ARFGAP3: variants seen among roughly 807,000 people sequenced by gnomAD.
ARFGAP3 encodes the protein ADP-ribosylation factor GTPase-activating protein 3.
A neutral mutation model predicts 75.0 loss-of-function variants in ARFGAP3; 72 were observed. That is an observed-to-expected ratio of 0.96 (90% CI 0.79 to 1.17). ARFGAP3 has a LOEUF of 1.17. Among genes scored for constraint, ARFGAP3 ranks in the 50% most tolerant of loss-of-function variants. ARFGAP3 has a pLI of 0.00. For synonymous variants in ARFGAP3, 221 were observed against 217.9 expected (o/e 1.01, Z -0.13); for missense variants, 620 against 626.6 (o/e 0.99, Z 0.11).
At chr22:42,844,602 A>T (rs574980024) in intron 2 of ARFGAP3, among the ~76,000 whole-genome samples, 2,618 of 117,848 alleles carry the variant, frequency 0.022, 38 homozygotes, top group Non-Finnish European at 0.032. Context: ...AAAAAAAAAA[A>T]AAAAATAAAA....
intron 14 of ARFGAP3, among the ~76,000 whole-genome samples, chr22:42,802,748 C>T (rs1445722045): frequency 6.6e-6 from 1 of 151,088 alleles, no homozygotes; most frequent in Admixed American, 6.6e-5. Flanking sequence ...ACTACAGGCG[C>T]CCACCACCAT....
Position 42,810,853 on chromosome 22 carries a change from C to T in ARFGAP3, c.1156G>A (p.Asp386Asn), listed in dbSNP as rs1403051653. ...DSYWKKETSK[D>N]TETVLKTTGY... The stretch of plus-strand genomic sequence containing the variant: ...GTGGTTTTCAGAACTGTTTCAGTAT[C>T]TTTGCTGGTCTCTTTTTTCCAATAG... Residue 386 changes from aspartate to asparagine, a missense_variant, in exon 12 of 16, where the codon GAT becomes AAT. Physicochemically the swap from Asp to Asn is conservative, Grantham distance 23. Coordinates refer to ENST00000263245, the MANE Select transcript of ARFGAP3 (RefSeq NM_014570.5). The T allele has an allele frequency of 2.5e-6, 4 of 1,614,230 alleles. No homozygotes were observed. Among genetic ancestry groups the T allele is most frequent in the Non-Finnish European group, 3.4e-6 (4 of 1,180,048 alleles).
At chr22:42,803,799 A>T (rs1316083797) in intron 14 of ARFGAP3, among the ~76,000 whole-genome samples, 2 of 152,186 alleles carry the variant, frequency 1.3e-5, no homozygotes, top group African/African-American at 4.8e-5. Flanking sequence ...ACACCCCCAG[A>T]AAGCAGCTTA....
At chr22:42,819,877 G>C (rs1241720698) in intron 9 of ARFGAP3, among the ~76,000 whole-genome samples, 3 of 152,234 alleles carry the variant, frequency 2.0e-5, no homozygotes, top group African/African-American at 7.2e-5. Context: ...TTAAGGCACA[G>C]TGGTGTGGTT....
chr22:42,835,820 AAACAAC>A (rs956871017), intron 3 of ARFGAP3, among the ~76,000 whole-genome samples: 2 of 152,054 alleles, frequency 1.3e-5, no homozygotes, highest in African/African-American at 2.4e-5. Context: ...CTCCATCTCA[AAACAAC>A]AACAACAACA....
chr22:42,809,256 C>G (rs538081320), intron 12 of ARFGAP3, among the ~76,000 whole-genome samples: 10 of 152,306 alleles, frequency 6.6e-5, no homozygotes, highest in Admixed American at 6.5e-5. Context: ...TTTCAAGTCA[C>G]ACCTGTTGTC....
At chr22:42,823,542 A>G (rs985263026) in intron 8 of ARFGAP3, 114 bp downstream of exon 8, 2 of 752,140 alleles carry the variant, frequency 2.7e-6, no homozygotes, top group African/African-American at 3.7e-5. Context: ...TCCTTATATC[A>G]AAGCTACATT....
chr22:42,810,643 TC>T (rs1446131044), intron 12 of ARFGAP3, among the ~76,000 whole-genome samples, 169 bp downstream of exon 12: 1 of 152,182 alleles, frequency 6.6e-6, no homozygotes, highest in African/African-American at 2.4e-5. Context: ...AGCCTTGTAC[TC>T]CTGGGCTCAA....
intron 5 of ARFGAP3, among the ~76,000 whole-genome samples, chr22:42,832,544 A>G (rs1926343006): frequency 6.6e-6 from 1 of 152,014 alleles, no homozygotes; most frequent in East Asian, 1.9e-4. Context: ...AAAAAAAAAA[A>G]AAACGAAAGA....
chr22:42,826,611 G>A (rs1205614922), intron 7 of ARFGAP3, among the ~76,000 whole-genome samples: 2 of 151,940 alleles, frequency 1.3e-5, no homozygotes, highest in Admixed American at 6.6e-5. Context: ...TGTTGCCCAA[G>A]CTGGTCTCGA....
rs112097473 is a variant in ARFGAP3, at chr22:42,834,404, T to C, written c.394-79A>G. On this transcript the variant is annotated intron_variant, in intron 4 of 15. Coordinates refer to ENST00000263245, the MANE Select transcript of ARFGAP3 (RefSeq NM_014570.5). ...TTTATTTGATACCTTTCACTTCCCT[T>C]AGAGACCTGTTTCCTAAAGATTGGT... 6.0e-4 allele frequency: 926 copies of C among 1,555,848 alleles called. 6 individuals carry two copies. In the Middle Eastern group the frequency reaches 7.4e-3, roughly 12 times the overall value.
chr22:42,803,898 CTCTT>C (rs1157292468), intron 14 of ARFGAP3, among the ~76,000 whole-genome samples: 3 of 143,244 alleles, frequency 2.1e-5, no homozygotes, highest in South Asian at 4.3e-4. Flanking sequence ...TCCCTCCTTC[CTCTT>C]TTTTTTTTTT....
intron 9 of ARFGAP3, 70 bp downstream of exon 9, chr22:42,822,200 T>G: frequency 7.1e-7 from 1 of 1,401,432 alleles, no homozygotes; most frequent in Non-Finnish European, 9.9e-7. Context: ...ACATGGCATT[T>G]GGAAAGCAAA....
chr22:42,834,997 G>A (rs992365266), intron 4 of ARFGAP3, among the ~76,000 whole-genome samples: 4 of 152,118 alleles, frequency 2.6e-5, no homozygotes, highest in African/African-American at 9.7e-5. Context: ...CTTCATTCAG[G>A]GCTGAGTTAT....
intron 4 of ARFGAP3, among the ~76,000 whole-genome samples, chr22:42,835,035 T>C (rs1252378849): frequency 6.6e-6 from 1 of 152,194 alleles, no homozygotes; most frequent in Non-Finnish European, 1.5e-5. Flanking sequence ...TCAATATTCA[T>C]GAGCCATCAA....
At position 42,852,485 on chromosome 22, in the gene ARFGAP3, G is replaced by A. The variant is rs188872014; in HGVS notation, c.69+4629C>T. 4.3e-3 allele frequency among the ~76,000 whole-genome samples: 657 copies of A among 151,692 alleles called. 6 individuals are homozygous for A. The highest frequency in any genetic ancestry group is 0.015 in the African/African-American group (638 of 41,290). On this transcript the variant is annotated intron_variant, in intron 1 of 15. Transcript: ENST00000263245. The stretch of plus-strand genomic sequence containing the variant: ...AGCAACTCTCCTGTCTCAGCCTCCC[G>A]AGTAGTTGGGATTACAGGCACATGG...
chr22:42,817,205 A>G lies in ARFGAP3; in HGVS notation c.1001T>C (p.Met334Thr), dbSNP rs1338184120. The G allele has an allele frequency of 1.9e-6, 3 of 1,613,834 alleles. No homozygotes were observed. The highest frequency in any genetic ancestry group is 2.2e-5 in the East Asian group (1 of 44,820). The change falls in exon 11 of 16, where the codon ATG becomes ACG. Residue 334 changes from methionine (M) to threonine (T), a missense_variant. Met to Thr is a moderately conservative substitution (Grantham distance 81). Transcript: ENST00000263245. Reference protein sequence around the residue: ...MQTIEQESPIMAKPRKKYNDD... With the variant: ...MQTIEQESPITAKPRKKYNDD... ...ATTATACTTTTTTCTTGGTTTTGCC[A>G]TAATGGGTGATTCCTGCTCTATGGT...
chr22:42,829,930 T>C (rs1926210574), intron 6 of ARFGAP3, among the ~76,000 whole-genome samples: 1 of 152,216 alleles, frequency 6.6e-6, no homozygotes, highest in Non-Finnish European at 1.5e-5. Context: ...TGCCAGACAC[T>C]TGTCCAAATT....
At chr22:42,845,022 C>T (rs761249045) in intron 2 of ARFGAP3, among the ~76,000 whole-genome samples, 3 of 152,140 alleles carry the variant, frequency 2.0e-5, no homozygotes, top group East Asian at 1.9e-4. Flanking sequence ...TAAAACCACC[C>T]GATTTCCTGG....
Sources: gnomAD v4.1 joint callset for allele counts (sites outside exome capture counted in the v4.1 genomes callset) on GRCh38, gnomAD v4.1.1 for gene constraint, MANE v1.5 for transcripts, NCBI Gene and HGNC (gene_info 2026-07-23, HGNC 2026-07-21) for gene names.